The following PCDHGB4 variants were observed in gnomAD, a reference collection of about 807,000 sequenced individuals.
PCDHGB4 encodes protocadherin gamma subfamily B, 4.
Under a neutral mutation model 60.5 loss-of-function variants are expected in PCDHGB4, and 38 were observed. That is an observed-to-expected ratio of 0.63 (90% CI 0.48 to 0.82). The LOEUF is 0.82. PCDHGB4 is among the 40% of genes least tolerant of loss of function. The pLI is 0.00. For synonymous variants in PCDHGB4, 456 were observed against 509.7 expected (o/e 0.89, Z 1.42); for missense variants, 1,109 against 1,209.6 (o/e 0.92, Z 1.23).
At chr5:141,460,456 T>C (rs2098989632) in intron 1 of PCDHGB4, among the ~76,000 whole-genome samples, 1 of 152,124 alleles carries the variant, frequency 6.6e-6, no homozygotes, top group South Asian at 2.1e-4. Flanking sequence ...AAGATTCATA[T>C]TTTTTTCCAA....
chr5:141,409,567 G>A (rs974585499), intron 1 of PCDHGB4: 1 of 1,613,896 alleles, frequency 6.2e-7, no homozygotes, highest in African/African-American at 1.3e-5. Flanking sequence ...TCGACCAGAC[G>A]TCCTACGTGG....
At chr5:141,408,164 A>C (rs2095051548) in intron 1 of PCDHGB4, 1 of 1,520,458 alleles carries the variant, frequency 6.6e-7, no homozygotes, top group African/African-American at 1.4e-5. Context: ...ACTTTCTCCA[A>C]CTGGAAAAGC....
At chr5:141,478,545 A>C in intron 1 of PCDHGB4, 1 of 1,605,606 alleles carries the variant, frequency 6.2e-7, no homozygotes, top group Non-Finnish European at 8.5e-7. Flanking sequence ...CCTCCCGGAC[A>C]GGTAAGGTTT....
chr5:141,497,100 T>A (rs886445893), intron 2 of PCDHGB4, among the ~76,000 whole-genome samples: 2 of 151,774 alleles, frequency 1.3e-5, no homozygotes, highest in Non-Finnish European at 2.9e-5. Context: ...GAGGCAGAAC[T>A]GCTTGAACCC....
intron 2 of PCDHGB4, among the ~76,000 whole-genome samples, chr5:141,495,296 T>TCCTCCAGAG (rs998633800): frequency 1.3e-5 from 2 of 152,054 alleles, no homozygotes; most frequent in Non-Finnish European, 2.9e-5. Flanking sequence ...ACTCAGCGCC[T>TCCTCCAGAG]CCTCCAGAGC....
rs376395066 is a variant in PCDHGB4 at position 141,490,681 on chromosome 5, C to G, written c.2398-4126C>G. On this transcript the variant is annotated intron_variant, in intron 1 of 3. Transcript: ENST00000519479. The surrounding 1 kb of genome is among the most constrained non-coding windows in gnomAD (Gnocchi z 5.4). ...TCTTTGCACTGTGGCTGCCTCAGATCCAGACACTGGGGATAATGCCCGCCT... is the reference window on the plus strand; with the variant it reads ...TCTTTGCACTGTGGCTGCCTCAGATGCAGACACTGGGGATAATGCCCGCCT... 2.5e-6 allele frequency: 4 copies of G among 1,613,998 alleles called. No homozygotes were observed. In the African/African-American group the frequency reaches 4.0e-5, roughly 16 times the overall value.
At chr5:141,390,447 G>C (rs941574561) in intron 1 of PCDHGB4, 166 bp downstream of exon 1, 12 of 843,730 alleles carry the variant, frequency 1.4e-5, no homozygotes, top group Admixed American at 2.9e-5. Flanking sequence ...TACAAAGGAG[G>C]AGTAAAGTAG....
At chr5:141,422,074 C>A (rs886758924) in intron 1 of PCDHGB4, 1 of 1,612,264 alleles carries the variant, frequency 6.2e-7, no homozygotes, top group African/African-American at 1.3e-5. Flanking sequence ...GTATTCATTT[C>A]GGAACATGGA....
rs73280911 is a variant in PCDHGB4, at chr5:141,446,356, A to C, written c.2398-48451A>C. Among the ~76,000 whole-genome samples the C allele has an allele frequency of 2.0e-5, 3 of 152,188 alleles. No individual in the cohort carries two copies. In the South Asian group the frequency reaches 6.2e-4, roughly 31 times the overall value. On this transcript the variant is annotated intron_variant, in intron 1 of 3. Transcript: ENST00000519479. ...ACTGGATGGACAAAGCTACCATTTGATGAGAATGGAAGACTAAAGAATGAT... is the reference window on the plus strand; with the variant it reads ...ACTGGATGGACAAAGCTACCATTTGCTGAGAATGGAAGACTAAAGAATGAT...
At position 141,431,277 on chromosome 5, in the gene PCDHGB4, G is replaced by T; in HGVS notation, c.2397+40996G>T. 6.2e-7 allele frequency: 1 copy of T among 1,614,160 alleles called. No homozygotes were observed. The highest frequency in any genetic ancestry group is 1.3e-5 in the African/African-American group (1 of 75,062). On this transcript the variant is annotated intron_variant, in intron 1 of 3. Transcript: ENST00000519479. This position sits in a 1 kb window ranked among gnomAD's most constrained non-coding sequence, Gnocchi z 4.8. ...AACTCTCTGCAGAGCTACGAGCTCAGCCCGAACACTCACTTCTCCCTCATC... is the reference window on the plus strand; with the variant it reads ...AACTCTCTGCAGAGCTACGAGCTCATCCCGAACACTCACTTCTCCCTCATC...
intron 1 of PCDHGB4, among the ~76,000 whole-genome samples, chr5:141,484,752 A>G (rs181317421): frequency 6.6e-5 from 10 of 151,098 alleles, no homozygotes; most frequent in Admixed American, 3.3e-4. Context: ...AAAAAAATGT[A>G]TATATATATA....
Position 141,485,754 on chromosome 5 carries a change from T to A in PCDHGB4, c.2398-9053T>A, listed in dbSNP as rs770807249. ...AGCGACGGCAGCCTGGTCCCAGAGC[T>A]GCTCCTGGAGAAGCCTTTGGATCGA... On this transcript the variant is annotated intron_variant, in intron 1 of 3. Transcript: ENST00000519479. This position sits in a 1 kb window ranked among gnomAD's most constrained non-coding sequence, Gnocchi z 5.7. 1 of 1,614,236 alleles carries A rather than the reference T, an allele frequency of 6.2e-7. No individual in the cohort carries two copies. The highest frequency in any genetic ancestry group is 8.5e-7 in the Non-Finnish European group (1 of 1,180,044).
intron 1 of PCDHGB4, among the ~76,000 whole-genome samples, chr5:141,446,545 C>T (rs903831454): frequency 4.6e-5 from 7 of 151,914 alleles, no homozygotes; most frequent in African/African-American, 1.7e-4. Context: ...GGCCCTATCT[C>T]TGCTCACTGC....
At chr5:141,471,046 CTT>C (rs1170588345) in intron 1 of PCDHGB4, among the ~76,000 whole-genome samples, 2,578 of 113,210 alleles carry the variant, frequency 0.023, 53 homozygotes, top group East Asian at 0.11. Context: ...CCCAAGCCCT[CTT>C]TTTTTTTTTT....
intron 2 of PCDHGB4, among the ~76,000 whole-genome samples, chr5:141,498,394 A>G (rs1043900807): frequency 6.6e-6 from 1 of 152,096 alleles, no homozygotes; most frequent in Non-Finnish European, 1.5e-5. Flanking sequence ...AGGGAATGGC[A>G]GGGAGTTTTC....
At position 141,389,468 on chromosome 5, in the gene PCDHGB4, C is replaced by T. The variant is rs772524229; in HGVS notation, c.1584C>T (p.Leu528=). ...FDHEQLRAFE[L]TLQARDQGSP... ...ACGAGCAGCTGCGCGCCTTCGAACT[C>T]ACACTGCAGGCCCGCGACCAGGGCT... The change falls in exon 1 of 4, where the codon CTC becomes CTT. Residue 528 remains leucine, a synonymous_variant. Transcript: ENST00000519479. 2 of 1,613,294 alleles carry T rather than the reference C, an allele frequency of 1.2e-6. No individual in the cohort carries two copies. The highest frequency in any genetic ancestry group is 2.2e-5 in the East Asian group (1 of 44,882).
At position 141,494,880 on chromosome 5, in the gene PCDHGB4, C is replaced by G. The variant is rs950094823; in HGVS notation, c.2456+15C>G. On this transcript the variant is annotated intron_variant, in intron 2 of 3. Transcript: ENST00000519479. ...GGCACCAGCGGGTAGGTGACTGATT[C>G]TCCAGCCCACCCTCTTCTCTGCGGC... The G allele has an allele frequency of 3.7e-6, 6 of 1,614,040 alleles. No individual in the cohort carries two copies. The African/African-American group carries it at 6.7e-5, about 18-fold the overall frequency.
chr5:141,496,164 C>A (rs745320704), intron 2 of PCDHGB4, among the ~76,000 whole-genome samples: 1 of 152,084 alleles, frequency 6.6e-6, no homozygotes, highest in East Asian at 1.9e-4. Flanking sequence ...CCACCAGACA[C>A]CCTCCCATCC....
Position 141,432,211 on chromosome 5 carries a change from C to A in PCDHGB4, c.2397+41930C>A, listed in dbSNP as rs1390215329. On this transcript the variant is annotated intron_variant, in intron 1 of 3. Coordinates refer to ENST00000519479, the MANE Select transcript of PCDHGB4 (RefSeq NM_003736.4). The surrounding 1 kb of genome is among the most constrained non-coding windows in gnomAD (Gnocchi z 6.0). The stretch of plus-strand genomic sequence containing the variant: ...CCCACGACCCCGACTGTGAAGAGAA[C>A]GCCCAGATCACTTATTCCCTGGCTG... 1 of 1,614,232 alleles carries A rather than the reference C, an allele frequency of 6.2e-7. No individual in the cohort carries two copies. Among genetic ancestry groups the A allele is most frequent in the Admixed American group, 1.7e-5 (1 of 60,032 alleles).
Sources: gnomAD v4.1 joint callset for allele counts (sites outside exome capture counted in the v4.1 genomes callset) on GRCh38, gnomAD v4.1.1 for gene constraint, Gnocchi (gnomAD v3.1) non-coding constraint, MANE v1.5 for transcripts, NCBI Gene and HGNC (gene_info 2026-07-23, HGNC 2026-07-21) for gene names.